SLAIN1: variants seen among roughly 807,000 people sequenced by gnomAD.
SLAIN1 encodes the protein SLAIN motif-containing protein 1.
Under a neutral mutation model 55.4 loss-of-function variants are expected in SLAIN1, and 17 were observed. The ratio of observed to expected loss-of-function variants is 0.31; its 90% CI spans 0.21 to 0.46. The LOEUF (loss-of-function observed/expected upper bound fraction) is 0.46, where lower values mean the gene tolerates loss of function less well. Among genes scored for constraint, SLAIN1 ranks in the 20% least tolerant of loss-of-function variants. SLAIN1 has a pLI of 1.00. For missense variants in SLAIN1, 682 were observed against 785.1 expected, an observed-to-expected ratio of 0.87 and a Z score of 1.57; for synonymous variants, 348 against 337.4, an observed-to-expected ratio of 1.03 and a Z score of -0.35.
chr13:77,727,224 A>G (rs2091315238), intron 2 of SLAIN1, among the ~76,000 whole-genome samples: 1 of 152,080 alleles, frequency 6.6e-6, no homozygotes, highest in African/African-American at 2.4e-5. Context: ...TTTGCTTTCT[A>G]TTTCGAGGCA....
intron 2 of SLAIN1, among the ~76,000 whole-genome samples, chr13:77,727,454 C>G (rs1400585178): frequency 7.1e-6 from 1 of 141,750 alleles, no homozygotes; most frequent in African/African-American, 2.7e-5. Context: ...AAAAACAAAA[C>G]AATTTTCATT....
chr13:77,714,234 A>G (rs866672876), intron 1 of SLAIN1, among the ~76,000 whole-genome samples: 2 of 152,222 alleles, frequency 1.3e-5, no homozygotes, highest in Non-Finnish European at 2.9e-5. Context: ...ACAGTTGACT[A>G]ACTAGTGGCT....
At chr13:77,732,706 A>T (rs1280684847) in intron 2 of SLAIN1, among the ~76,000 whole-genome samples, 4 of 151,892 alleles carry the variant, frequency 2.6e-5, no homozygotes, top group Non-Finnish European at 4.4e-5. Context: ...TTAATTGCAG[A>T]TGGGAAGTCA....
At chr13:77,720,442 G>A (rs1232040333) in intron 2 of SLAIN1, among the ~76,000 whole-genome samples, 2 of 152,162 alleles carry the variant, frequency 1.3e-5, no homozygotes, top group Non-Finnish European at 2.9e-5. Context: ...AGTCAGGGGA[G>A]TCTGCATTGA....
intron 5 of SLAIN1, among the ~76,000 whole-genome samples, chr13:77,759,102 C>G (rs1874819412): frequency 6.6e-6 from 1 of 152,096 alleles, no homozygotes; most frequent in South Asian, 2.1e-4. Flanking sequence ...TTTGTGATTT[C>G]TTTCAACAGT....
intron 4 of SLAIN1, among the ~76,000 whole-genome samples, chr13:77,747,375 G>A (rs553120876): frequency 2.0e-5 from 3 of 152,182 alleles, no homozygotes; most frequent in African/African-American, 7.2e-5. Flanking sequence ...ATTTATAAAC[G>A]CACAGCCTCA....
chr13:77,707,341 T>A (rs1160205005), intron 1 of SLAIN1, among the ~76,000 whole-genome samples: 3 of 152,120 alleles, frequency 2.0e-5, no homozygotes, highest in African/African-American at 7.2e-5. Flanking sequence ...TTTTTCAATA[T>A]CCATGTGTAT....
At chr13:77,732,272 A>C (rs1036714541) in intron 2 of SLAIN1, among the ~76,000 whole-genome samples, 11 of 152,168 alleles carry the variant, frequency 7.2e-5, no homozygotes, top group Non-Finnish European at 1.0e-4. Context: ...CACTTTACCC[A>C]GTCATAGGCG....
chr13:77,761,189 G>T, intron 6 of SLAIN1, 79 bp downstream of exon 6: 1 of 1,437,448 alleles, frequency 7.0e-7, no homozygotes, highest in Non-Finnish European at 9.5e-7. Context: ...CTTTTCCTTT[G>T]GCTCACTTTA....
At chr13:77,703,600 T>C (rs1308955204) in intron 1 of SLAIN1, among the ~76,000 whole-genome samples, 1 of 151,540 alleles carries the variant, frequency 6.6e-6, no homozygotes, top group Non-Finnish European at 1.5e-5. Flanking sequence ...GGGTTGGGGG[T>C]GGAGGGAAAG....
chr13:77,747,976 CA>C (rs1267863344), intron 4 of SLAIN1, among the ~76,000 whole-genome samples: 1 of 151,964 alleles, frequency 6.6e-6, no homozygotes, highest in African/African-American at 2.4e-5. Context: ...TATGGAGAAA[CA>C]AACCAATAAA....
At chr13:77,736,822 A>G (rs1873145658) in intron 2 of SLAIN1, among the ~76,000 whole-genome samples, 1 of 150,620 alleles carries the variant, frequency 6.6e-6, no homozygotes, top group East Asian at 2.0e-4. Context: ...GACTGGATGC[A>G]TCTTTGAGCC....
In SLAIN1 at chr13:77,698,607, G is replaced by T. The variant is rs887400417; in HGVS notation, c.626+68G>T. On this transcript the variant is annotated intron_variant, in intron 1 of 6. Coordinates refer to ENST00000418532, the MANE Select transcript of SLAIN1 (RefSeq NM_001242868.2). The surrounding 1 kb of genome is among the most constrained non-coding windows in gnomAD (Gnocchi z 4.1). ...GGGCTTCGGGCACCGGGGAGCGGGG[G>T]CGGGGGGCGGACGGGGGTCCCCTCG... 6 of 1,337,250 alleles carry T rather than the reference G, an allele frequency of 4.5e-6. No individual in the cohort carries two copies. The highest frequency in any genetic ancestry group is 5.8e-5 in the East Asian group (2 of 34,246). The allele number at this position is 1,337,250 out of a possible 1,614,324, so 82.8% of individuals were successfully genotyped here. A position where few individuals can be genotyped will look rare whatever the true frequency, so the allele number is the denominator to read the frequency against.
chr13:77,731,856 G>A (rs144778405), intron 2 of SLAIN1, among the ~76,000 whole-genome samples: 1 of 152,030 alleles, frequency 6.6e-6, no homozygotes, highest in Non-Finnish European at 1.5e-5. Flanking sequence ...ATTTTCTATT[G>A]TCTATTTAAA....
rs1875206500 is a variant in SLAIN1, at chr13:77,763,283, T to C, written c.*63T>C. On this transcript the variant is annotated 3_prime_UTR_variant, in exon 7 of 7. Transcript: ENST00000418532. ...AAAAATGAGGGTTGTGTTACCTAGC[T>C]GGCTGGGTAGCAGTGGATGTTGGGA... 3.9e-5 allele frequency: 50 copies of C among 1,285,286 alleles called. No homozygotes were observed. The highest frequency in any genetic ancestry group is 5.2e-5 in the Non-Finnish European group (46 of 883,648). 79.6% of individuals were successfully genotyped at this position (1,285,286 alleles called of 1,614,324 possible). A position where few individuals can be genotyped will look rare whatever the true frequency, so the allele number is the denominator to read the frequency against.
intron 2 of SLAIN1, among the ~76,000 whole-genome samples, chr13:77,737,192 A>G (rs1389043731): frequency 1.3e-5 from 2 of 150,740 alleles, no homozygotes; most frequent in African/African-American, 4.9e-5. Context: ...TTTTTTTCCC[A>G]CTCCCTATAT....
chr13:77,719,470 C>A, intron 1 of SLAIN1, 62 bp from the exon 2 acceptor site: 1 of 1,188,362 alleles, frequency 8.4e-7, no homozygotes, highest in Non-Finnish European at 1.2e-6. Flanking sequence ...GTTGCTTTCC[C>A]CAGAGAGAGG....
At chr13:77,727,775 G>A (rs911219266) in intron 2 of SLAIN1, among the ~76,000 whole-genome samples, 2 of 152,202 alleles carry the variant, frequency 1.3e-5, no homozygotes, top group African/African-American at 4.8e-5. Flanking sequence ...AGTAAGTGGG[G>A]ACATTTAGCA....
chr13:77,716,021 T>A (rs990294772), intron 1 of SLAIN1, among the ~76,000 whole-genome samples: 5 of 152,154 alleles, frequency 3.3e-5, no homozygotes, highest in African/African-American at 9.6e-5. Context: ...ACTTTTACCT[T>A]TGGTTTCTTA....
Sources: allele counts gnomAD v4.1 joint callset (sites outside exome capture counted in the v4.1 genomes callset), GRCh38; gene constraint gnomAD v4.1.1; non-coding constraint Gnocchi (gnomAD v3.1); transcripts MANE v1.5; gene names NCBI Gene and HGNC (gene_info 2026-07-23, HGNC 2026-07-21).